Variants in BACH2 observed in about 807,000 individuals in gnomAD.
BACH2 encodes BACH transcriptional regulator 2.
BACH2 carries 5 observed loss-of-function variants against 61.8 expected under a neutral mutation model. That is an observed-to-expected ratio of 0.08 (90% confidence interval 0.04 to 0.17). The LOEUF is 0.17. Ranked by LOEUF, BACH2 falls within the 10% of genes least tolerant of loss-of-function variation. The probability of loss-of-function intolerance (pLI) is 1.00; values close to 1 mark genes in which losing one functional copy is unlikely to be tolerated. For synonymous variants in BACH2, 446 were observed against 440.1 expected (o/e 1.01, Z -0.17); for missense variants, 824 against 1,091.1 (o/e 0.76, Z 3.45).
chr6:90,266,461 A>T lies in BACH2; in HGVS notation c.-353+5388T>A, dbSNP rs1371970352. Among the ~76,000 whole-genome samples the T allele has an allele frequency of 5.9e-5, 9 of 152,130 alleles. No homozygotes were observed. In the South Asian group the frequency reaches 1.9e-3, roughly 32 times the overall value. On this transcript the variant is annotated intron_variant, in intron 2 of 8. Coordinates refer to ENST00000257749, the MANE Select transcript of BACH2 (RefSeq NM_021813.4). The stretch of plus-strand genomic sequence containing the variant: ...GACTTAACTTGGCATCTAGGTGCAC[A>T]TGGGCAATTGTTCACAGCAGCCAAA...
intron 1 of BACH2, among the ~76,000 whole-genome samples, chr6:90,279,177 G>A (rs1007761199): frequency 2.6e-5 from 4 of 151,780 alleles, no homozygotes; most frequent in African/African-American, 9.7e-5. Context: ...ATCTAAAATC[G>A]AACAAACGCT....
intron 1 of BACH2, among the ~76,000 whole-genome samples, chr6:90,285,038 C>CAT (rs1206956988): frequency 6.6e-6 from 1 of 152,202 alleles, no homozygotes; most frequent in Non-Finnish European, 1.5e-5. Context: ...TTACTTTAAT[C>CAT]ATCCTTTTTC....
chr6:89,948,650 C>T (rs979150846), intron 7 of BACH2, among the ~76,000 whole-genome samples: 8 of 152,124 alleles, frequency 5.3e-5, no homozygotes, highest in African/African-American at 1.7e-4. Context: ...CGCTCATTCA[C>T]GGTTTCAGAA....
chr6:90,092,315 T>TATATATATATATATATAC lies in BACH2; in HGVS notation c.-161-3207_-161-3206insGTATATATATATATATAT, dbSNP rs142761642. 1.5e-3 allele frequency among the ~76,000 whole-genome samples: 167 copies of TATATATATATATATATAC among 112,254 alleles called. 1 individual carries two copies. The East Asian group carries it at 0.022, about 15-fold the overall frequency. 73.6% of individuals were successfully genotyped at this position (112,254 alleles called of 152,430 possible). A position where few individuals can be genotyped will look rare whatever the true frequency, so the allele number is the denominator to read the frequency against. ...AAATATATATATATATATATATATA[T>TATATATATATATATATAC]ACACACACACACATTGCATCACTTG... On this transcript the variant is annotated intron_variant, in intron 4 of 8. Transcript: ENST00000257749.
chr6:90,262,132 A>T (rs1224025566), intron 2 of BACH2, among the ~76,000 whole-genome samples: 2 of 152,194 alleles, frequency 1.3e-5, no homozygotes, highest in Admixed American at 1.3e-4. Context: ...GGTCCTTCAT[A>T]ATCAGTTTTA....
intron 4 of BACH2, among the ~76,000 whole-genome samples, chr6:90,155,820 G>T (rs1045787747): frequency 6.6e-6 from 1 of 152,072 alleles, no homozygotes; most frequent in Admixed American, 6.6e-5. Context: ...AGCAATTTGT[G>T]TCTGTTTTGT....
At chr6:89,962,078 T>A (rs962437863) in intron 6 of BACH2, among the ~76,000 whole-genome samples, 2 of 152,114 alleles carry the variant, frequency 1.3e-5, no homozygotes, top group African/African-American at 4.8e-5. Context: ...TTCTCTTTGT[T>A]TTGCAAATTA....
chr6:89,946,347 G>C (rs1773720893), intron 7 of BACH2, among the ~76,000 whole-genome samples: 1 of 152,120 alleles, frequency 6.6e-6, no homozygotes, highest in Admixed American at 6.5e-5. Flanking sequence ...CAAGAATAGG[G>C]GAAATTGGAC....
chr6:90,104,065 A>G (rs1051408357), intron 4 of BACH2, among the ~76,000 whole-genome samples: 2 of 152,226 alleles, frequency 1.3e-5, no homozygotes, highest in African/African-American at 4.8e-5. Context: ...ATCAGCACCA[A>G]ATAAAATCCG....
intron 4 of BACH2, among the ~76,000 whole-genome samples, chr6:90,136,882 G>C (rs1784288596): frequency 6.6e-6 from 1 of 151,100 alleles, no homozygotes; most frequent in Non-Finnish European, 1.5e-5. Context: ...TAGGATACAA[G>C]GAAATTAGCA....
intron 5 of BACH2, among the ~76,000 whole-genome samples, chr6:90,060,934 C>G (rs1268487135): frequency 6.6e-6 from 1 of 152,152 alleles, no homozygotes; most frequent in African/African-American, 2.4e-5. Context: ...TTACTGTTGA[C>G]ATATATGCAC....
intron 5 of BACH2, among the ~76,000 whole-genome samples, chr6:90,051,163 A>G (rs1259823922): frequency 1.3e-5 from 2 of 152,196 alleles, no homozygotes; most frequent in South Asian, 2.1e-4. Flanking sequence ...TAGGTCTTGC[A>G]TAAGTTCTGT....
chr6:90,190,484 A>T (rs1406700105), intron 4 of BACH2, among the ~76,000 whole-genome samples: 1 of 152,246 alleles, frequency 6.6e-6, no homozygotes, highest in Non-Finnish European at 1.5e-5. Context: ...TATCTTACAG[A>T]ACAGAAAAGC....
At chr6:90,047,700 G>A (rs774726016) in intron 5 of BACH2, among the ~76,000 whole-genome samples, 54 of 152,222 alleles carry the variant, frequency 3.5e-4, no homozygotes, top group Non-Finnish European at 5.7e-4. Context: ...GTAAAGAAAG[G>A]CCTTGTCAGT....
intron 2 of BACH2, among the ~76,000 whole-genome samples, chr6:90,259,910 T>C (rs1299381022): frequency 6.6e-6 from 1 of 152,148 alleles, no homozygotes; most frequent in Non-Finnish European, 1.5e-5. Flanking sequence ...TCTGTTGTAA[T>C]TTCTTCAATT....
At chr6:90,163,015 GA>G (rs1358101357) in intron 4 of BACH2, among the ~76,000 whole-genome samples, 1 of 152,080 alleles carries the variant, frequency 6.6e-6, no homozygotes, top group East Asian at 1.9e-4. Context: ...CTAAGTTCCC[GA>G]AAAGCTTATT....
chr6:90,180,681 T>C (rs1472496515), intron 4 of BACH2, among the ~76,000 whole-genome samples: 3 of 152,198 alleles, frequency 2.0e-5, no homozygotes, highest in East Asian at 1.9e-4. Flanking sequence ...TCCAGTTCCA[T>C]CCAAGTTGCT....
intron 4 of BACH2, among the ~76,000 whole-genome samples, chr6:90,123,200 A>G (rs969606198): frequency 3.3e-5 from 5 of 152,204 alleles, no homozygotes; most frequent in Admixed American, 3.3e-4. Context: ...ACAGAGGAGA[A>G]GGCCAAGAGA....
At chr6:90,122,073 G>A (rs2127820079) in intron 4 of BACH2, among the ~76,000 whole-genome samples, 1 of 152,282 alleles carries the variant, frequency 6.6e-6, no homozygotes, top group East Asian at 1.9e-4. Flanking sequence ...ACCCTACCAT[G>A]TGTGACAAGG....
Sources: gnomAD v4.1 joint callset for allele counts (sites outside exome capture counted in the v4.1 genomes callset) on GRCh38, gnomAD v4.1.1 for gene constraint, MANE v1.5 for transcripts, NCBI Gene and HGNC (gene_info 2026-07-23, HGNC 2026-07-21) for gene names.